The following TSHZ3 variants were observed in gnomAD, a reference collection of about 807,000 sequenced individuals.
The protein encoded by TSHZ3 is teashirt homolog 3.
Under a neutral mutation model 64.5 loss-of-function variants are expected in TSHZ3, and 10 were observed. That is an observed-to-expected ratio of 0.16 (90% CI 0.10 to 0.26). TSHZ3 has a LOEUF of 0.26. Ranked by LOEUF, TSHZ3 falls within the 10% of genes least tolerant of loss-of-function variation. The pLI is 1.00. For synonymous variants in TSHZ3, 608 were observed against 593.1 expected, an observed-to-expected ratio of 1.03 and a Z score of -0.36; for missense variants, 1,242 against 1,421.7, an observed-to-expected ratio of 0.87 and a Z score of 2.03.
intron 4 of TSHZ3, among the ~76,000 whole-genome samples, chr19:31,212,314 C>T (rs1433067611): frequency 6.6e-6 from 1 of 151,896 alleles, no homozygotes; most frequent in Non-Finnish European, 1.5e-5. Flanking sequence ...AAAAATTAGC[C>T]GGGCGTGGTG....
rs147357056 is a variant in TSHZ3, at chr19:31,303,746, C to A, written c.41-23994G>T. Among the ~76,000 whole-genome samples, 23 of 152,292 alleles carry A rather than the reference C, an allele frequency of 1.5e-4. No homozygotes were observed. In the East Asian group the frequency reaches 4.5e-3, roughly 30 times the overall value. On this transcript the variant is annotated intron_variant, in intron 1 of 1. Transcript: ENST00000240587. ...AAAGGGCACTGGCAAAAAGATGGCA[C>A]CCGCTGGCTGCACTGTCATGGGATG...
rs368982093 is a variant in TSHZ3 at position 31,277,075 on chromosome 19, G to A, written c.2718C>T (p.Leu906=). 5 of 1,607,510 alleles carry A rather than the reference G, an allele frequency of 3.1e-6. No individual in the cohort carries two copies. In the African/African-American group the frequency reaches 6.7e-5, roughly 22 times the overall value. ...GGAGGCTGGCGGCAAACTGGGCCTG[G>A]AGGATCAGGAGGTGCTGGGGGTTCC... ...SNWNPQHLLI[L]QAQFAASLRQ... The change falls in exon 2 of 2, where the codon CTC becomes CTT. Residue 906 remains leucine, a synonymous_variant. Transcript: ENST00000240587. This position sits in a 1 kb window ranked among gnomAD's most constrained non-coding sequence, Gnocchi z 4.5.
At chr19:31,314,228 G>C (rs10405338) in intron 1 of TSHZ3, among the ~76,000 whole-genome samples, 1,594 of 152,326 alleles carry the variant, frequency 0.01, 30 homozygotes, top group African/African-American at 0.037. Context: ...CTGCACGAGA[G>C]ATGCTGAGGC....
At chr19:31,287,170 G>A (rs1976478301) in intron 1 of TSHZ3, among the ~76,000 whole-genome samples, 1 of 152,138 alleles carries the variant, frequency 6.6e-6, no homozygotes, top group South Asian at 2.1e-4. Flanking sequence ...GGCACTGGGT[G>A]TGGGTGGAAA....
chr19:31,244,648 C>A (rs1406182882), intron 1 of TSHZ3, among the ~76,000 whole-genome samples: 1 of 151,398 alleles, frequency 6.6e-6, no homozygotes, highest in Non-Finnish European at 1.5e-5. Flanking sequence ...AAAATCATTT[C>A]TTTTTTTTTA....
At chr19:31,162,787 G>A (rs1568333720) in intron 5 of TSHZ3, among the ~76,000 whole-genome samples, 1 of 152,202 alleles carries the variant, frequency 6.6e-6, no homozygotes, top group Non-Finnish European at 1.5e-5. Context: ...CCCAAAGTAG[G>A]GAGGTAACAA....
intron 1 of TSHZ3, among the ~76,000 whole-genome samples, chr19:31,328,871 G>A (rs754299112): frequency 1.4e-4 from 21 of 152,200 alleles, no homozygotes; most frequent in Non-Finnish European, 2.8e-4. Context: ...CAGCCTTCCA[G>A]ATAAGCCATG....
intron 3 of TSHZ3, among the ~76,000 whole-genome samples, chr19:31,236,785 A>G (rs1437279410): frequency 2.0e-5 from 3 of 152,234 alleles, no homozygotes. Flanking sequence ...TATGACACCA[A>G]AAGCACAGGG....
intron 5 of TSHZ3, among the ~76,000 whole-genome samples, chr19:31,181,151 T>C (rs1351632710): frequency 6.6e-6 from 1 of 151,932 alleles, no homozygotes; most frequent in African/African-American, 2.4e-5. Context: ...CACTTACCAG[T>C]TTTTGAAGAA....
chr19:31,197,285 A>G (rs998031076), intron 5 of TSHZ3, among the ~76,000 whole-genome samples: 9 of 151,914 alleles, frequency 5.9e-5, no homozygotes, highest in African/African-American at 1.9e-4. Context: ...AACTTATAAA[A>G]TTTGTGAGAT....
intron 4 of TSHZ3, among the ~76,000 whole-genome samples, chr19:31,206,916 T>C (rs976098332): frequency 6.6e-6 from 1 of 152,206 alleles, no homozygotes. Context: ...GCCCCAACTT[T>C]CTAGTGTTAT....
intron 3 of TSHZ3, among the ~76,000 whole-genome samples, chr19:31,234,181 C>T (rs1188681861): frequency 2.0e-5 from 3 of 152,078 alleles, no homozygotes; most frequent in African/African-American, 7.2e-5. Context: ...TTTCTAAATA[C>T]TTGTTGTTCA....
intron 1 of TSHZ3, among the ~76,000 whole-genome samples, chr19:31,291,405 C>T (rs1976562617): frequency 6.6e-6 from 1 of 152,212 alleles, no homozygotes; most frequent in Non-Finnish European, 1.5e-5. Flanking sequence ...TCCCTCCCTT[C>T]CCAGCACTCT....
chr19:31,346,160 T>C (rs1380231907), intron 1 of TSHZ3, among the ~76,000 whole-genome samples: 3 of 152,210 alleles, frequency 2.0e-5, no homozygotes, highest in Admixed American at 6.5e-5. Flanking sequence ...AAAGCAATGA[T>C]ACATTGGCCT....
intron 1 of TSHZ3, among the ~76,000 whole-genome samples, chr19:31,250,224 GACATTGTT>G (rs1208754169): frequency 6.6e-6 from 1 of 152,232 alleles, no homozygotes; most frequent in Non-Finnish European, 1.5e-5. Flanking sequence ...CCTGCAAGCA[GACATTGTT>G]ACCCTTGAGT....
chr19:31,180,974 T>C (rs1483129755), intron 5 of TSHZ3, among the ~76,000 whole-genome samples: 1 of 152,140 alleles, frequency 6.6e-6, no homozygotes, highest in Non-Finnish European at 1.5e-5. Flanking sequence ...CTAATTTCAG[T>C]ATATGCAGAA....
At chr19:31,258,156 A>G (rs1975936998) in intron 1 of TSHZ3, among the ~76,000 whole-genome samples, 1 of 152,182 alleles carries the variant, frequency 6.6e-6, no homozygotes, top group Admixed American at 6.5e-5. Context: ...CATCCATGGT[A>G]TCTTACAACA....
At chr19:31,284,757 A>G (rs923337650) in intron 1 of TSHZ3, among the ~76,000 whole-genome samples, 1 of 152,114 alleles carries the variant, frequency 6.6e-6, no homozygotes, top group African/African-American at 2.4e-5. Flanking sequence ...ATTCCAACAC[A>G]TTGTCAGCTT....
chr19:31,238,290 C>T lies in TSHZ3; in HGVS notation n.550+3979G>A, dbSNP rs576860390. Among the ~76,000 whole-genome samples the T allele has an allele frequency of 7.7e-5, 11 of 142,978 alleles. No homozygotes were observed. In the South Asian group the frequency reaches 2.2e-3, roughly 28 times the overall value. The allele number at this position is 142,978 out of a possible 152,430, so 93.8% of individuals were successfully genotyped here. A position where few individuals can be genotyped will look rare whatever the true frequency, so the allele number is the denominator to read the frequency against. On this transcript the variant is annotated intron_variant and non_coding_transcript_variant, in intron 3 of 6. Coordinates refer to the TSHZ3 transcript ENST00000651361. ...TTTTTTTTTGAGACAGACTCTTGCT[C>T]TGTCACCCGGACTGCAGAGCAATGG...
Sources: allele counts gnomAD v4.1 joint callset (sites outside exome capture counted in the v4.1 genomes callset), GRCh38; gene constraint gnomAD v4.1.1; non-coding constraint Gnocchi (gnomAD v3.1); transcripts MANE v1.5; gene names NCBI Gene and HGNC (gene_info 2026-07-23, HGNC 2026-07-21).